Variants in ASAP1 observed in about 807,000 individuals in gnomAD.
The protein encoded by ASAP1 is ArfGAP with SH3 domain, ankyrin repeat and PH domain 1, also known as arf-GAP with SH3 domain, ANK repeat and PH domain-containing protein 1.
ASAP1 carries 43 observed loss-of-function variants against 145.2 expected under a neutral mutation model. That is an observed-to-expected ratio of 0.30 (90% CI 0.23 to 0.38). The LOEUF is 0.38. Ranked by LOEUF, ASAP1 falls within the 10% of genes least tolerant of loss-of-function variation. The pLI is 1.00. For missense variants in ASAP1, 1,018 were observed against 1,355.3 expected, an observed-to-expected ratio of 0.75 and a Z score of 3.91; for synonymous variants, 546 against 515.5, an observed-to-expected ratio of 1.06 and a Z score of -0.80.
chr8:130,416,194 A>G (rs1310737133), intron 1 of ASAP1, among the ~76,000 whole-genome samples: 1 of 152,144 alleles, frequency 6.6e-6, no homozygotes, highest in East Asian at 1.9e-4. Context: ...CCAACTCCGG[A>G]GGACAAGCCG....
At chr8:130,393,020 CT>C (rs200402833) in intron 2 of ASAP1, among the ~76,000 whole-genome samples, 101 of 133,684 alleles carry the variant, frequency 7.6e-4, no homozygotes, top group African/African-American at 1.9e-3. Flanking sequence ...AAAAATAAAC[CT>C]TTTTTTTAAC....
At chr8:130,156,965 G>A (rs892628479) in intron 12 of ASAP1, among the ~76,000 whole-genome samples, 5 of 152,200 alleles carry the variant, frequency 3.3e-5, no homozygotes, top group African/African-American at 1.2e-4. Flanking sequence ...GATTTCGGGA[G>A]AGTAGTGTTA....
chr8:130,171,220 A>AC (rs1404182302), intron 9 of ASAP1, among the ~76,000 whole-genome samples: 18 of 151,804 alleles, frequency 1.2e-4, no homozygotes, highest in Non-Finnish European at 1.2e-4. Flanking sequence ...ATCCTTCCCC[A>AC]CTTCAGCCTT....
intron 4 of ASAP1, among the ~76,000 whole-genome samples, chr8:130,224,939 T>A (rs1470320319): frequency 3.3e-5 from 5 of 152,182 alleles, no homozygotes; most frequent in African/African-American, 4.8e-5. Flanking sequence ...CAATTCACAT[T>A]CCCAACAGCA....
intron 13 of ASAP1, among the ~76,000 whole-genome samples, chr8:130,141,101 G>C (rs147825847): frequency 5.3e-5 from 8 of 152,216 alleles, no homozygotes; most frequent in Non-Finnish European, 8.8e-5. Flanking sequence ...GATTTACTCT[G>C]GGCTACACCA....
At chr8:130,169,336 T>C (rs758383368) in intron 9 of ASAP1, among the ~76,000 whole-genome samples, 4 of 152,228 alleles carry the variant, frequency 2.6e-5, no homozygotes, top group Non-Finnish European at 5.9e-5. Context: ...GAAATTACAG[T>C]TGCAGTCCCA....
intron 3 of ASAP1, among the ~76,000 whole-genome samples, chr8:130,247,955 C>A (rs1266503013): frequency 6.6e-6 from 1 of 152,184 alleles, no homozygotes; most frequent in Admixed American, 6.6e-5. Context: ...CCAACCACAA[C>A]ACCACGTGGA....
intron 3 of ASAP1, among the ~76,000 whole-genome samples, chr8:130,292,422 C>A (rs1019036331): frequency 3.3e-5 from 5 of 152,180 alleles, no homozygotes; most frequent in Non-Finnish European, 5.9e-5. Flanking sequence ...AATCCCATCC[C>A]AGAGGGAAGG....
At chr8:130,314,419 A>G (rs1823544294) in intron 3 of ASAP1, among the ~76,000 whole-genome samples, 1 of 152,222 alleles carries the variant, frequency 6.6e-6, no homozygotes, top group African/African-American at 2.4e-5. Context: ...GGGTATCATC[A>G]TGCCCATGTT....
In ASAP1 at chr8:130,214,517, AGGC is replaced by A. The variant is rs747938633; in HGVS notation, c.405+36_405+38del. 2.0e-6 allele frequency: 3 copies of A among 1,534,894 alleles called. No individual in the cohort carries two copies. The Admixed American group carries it at 6.1e-5, about 31-fold the overall frequency. ...CTCTATATGACGTAATATTTTGGAA[AGGC>A]TGTAATTCTTTTTACTCACATATGA... On this transcript the variant is annotated intron_variant, in intron 5 of 29. Transcript: ENST00000518721.
At chr8:130,255,845 C>A (rs150558552) in intron 3 of ASAP1, among the ~76,000 whole-genome samples, 1 of 152,266 alleles carries the variant, frequency 6.6e-6, no homozygotes, top group East Asian at 1.9e-4. Context: ...AATCCTCTTG[C>A]AAATTACATG....
At chr8:130,260,222 G>C (rs969146309) in intron 3 of ASAP1, among the ~76,000 whole-genome samples, 1 of 152,164 alleles carries the variant, frequency 6.6e-6, no homozygotes, top group African/African-American at 2.4e-5. Context: ...AAACCTGAGA[G>C]AGTATTCACA....
rs1288732030 is a variant in ASAP1, at chr8:130,204,733, C to T, written c.405+9823G>A. Among the ~76,000 whole-genome samples the T allele has an allele frequency of 2.6e-5, 4 of 152,208 alleles. No individual in the cohort carries two copies. The South Asian group carries it at 6.2e-4, about 24-fold the overall frequency. On this transcript the variant is annotated intron_variant, in intron 5 of 29. Transcript: ENST00000518721. Reference sequence around the variant, plus strand: ...TCCATGCGTCTAAGTCTCTGAGTTGCTGTTGCTAAGCAGAACAGATCCCTT... The same window carrying T: ...TCCATGCGTCTAAGTCTCTGAGTTGTTGTTGCTAAGCAGAACAGATCCCTT...
chr8:130,225,760 A>G (rs934299649), intron 4 of ASAP1, among the ~76,000 whole-genome samples: 1 of 152,216 alleles, frequency 6.6e-6, no homozygotes, highest in African/African-American at 2.4e-5. Flanking sequence ...CAGGCACCAT[A>G]AAGTACTCAG....
chr8:130,188,244 AC>A (rs1436354801), intron 5 of ASAP1, 61 bp from the exon 6 acceptor site: 6 of 1,303,606 alleles, frequency 4.6e-6, no homozygotes, highest in Non-Finnish European at 6.7e-6. Context: ...GAACAATAAA[AC>A]CAGCTACTAT....
intron 1 of ASAP1, among the ~76,000 whole-genome samples, chr8:130,435,084 C>A (rs1380470844): frequency 6.6e-6 from 1 of 152,150 alleles, no homozygotes; most frequent in Admixed American, 6.5e-5. Context: ...CCCTCCGAGG[C>A]TCCTACACTT....
At position 130,187,228 on chromosome 8, in the gene ASAP1, C is replaced by T. The variant is rs535381767; in HGVS notation, c.530+8G>A. ...ACAAACAAAAACTCTAAACAAAAAACCACTTACAACTTTGTCTCATAATCT... is the reference window on the plus strand; with the variant it reads ...ACAAACAAAAACTCTAAACAAAAAATCACTTACAACTTTGTCTCATAATCT... On this transcript the variant is annotated splice_region_variant and intron_variant, in intron 7 of 29. Coordinates refer to ENST00000518721, the MANE Select transcript of ASAP1 (RefSeq NM_018482.4). 1 of 1,597,174 alleles carries T rather than the reference C, an allele frequency of 6.3e-7. No homozygotes were observed. The highest frequency in any genetic ancestry group is 8.5e-7 in the Non-Finnish European group (1 of 1,174,730).
At chr8:130,114,979 C>T (rs1303976153) in intron 23 of ASAP1, among the ~76,000 whole-genome samples, 2 of 151,980 alleles carry the variant, frequency 1.3e-5, no homozygotes, top group African/African-American at 4.8e-5. Flanking sequence ...AGGTTGCTCT[C>T]GAATTCCTGG....
At chr8:130,378,162 T>C (rs1044461775) in intron 2 of ASAP1, among the ~76,000 whole-genome samples, 1 of 152,232 alleles carries the variant, frequency 6.6e-6, no homozygotes, top group African/African-American at 2.4e-5. Context: ...TTTTGAAATA[T>C]GCGGTTAATA....
Sources: allele counts gnomAD v4.1 joint callset (sites outside exome capture counted in the v4.1 genomes callset), GRCh38; gene constraint gnomAD v4.1.1; transcripts MANE v1.5; gene names NCBI Gene and HGNC (gene_info 2026-07-23, HGNC 2026-07-21).